STAG1: variants seen among roughly 807,000 people sequenced by gnomAD.
STAG1 encodes the protein STAG1 cohesin complex component, also known as cohesin subunit SA-1.
STAG1 carries 26 observed loss-of-function variants against 170.9 expected under a neutral mutation model. The ratio of observed to expected loss-of-function variants is 0.15; its 90% confidence interval spans 0.11 to 0.21. STAG1 has a LOEUF of 0.21. Ranked by LOEUF, STAG1 falls within the 10% of genes least tolerant of loss-of-function variation. The pLI, the probability that STAG1 is intolerant of heterozygous loss-of-function variation, is 1.00. For synonymous variants in STAG1, 514 were observed against 497.7 expected (o/e 1.03, Z -0.44); for missense variants, 964 against 1,509.5 (o/e 0.64, Z 5.99).
chr3:136,381,034 A>AG (rs1337351307), intron 22 of STAG1, among the ~76,000 whole-genome samples: 3 of 143,624 alleles, frequency 2.1e-5, no homozygotes, highest in Non-Finnish European at 3.1e-5. Context: ...GAAAAAAAAA[A>AG]AAGAAAAAAA....
Position 136,360,399 on chromosome 3 carries a change from T to C in STAG1, c.2788-1103A>G, listed in dbSNP as rs1045751864. ...AAATACTCTTAACTTCTTGACCCCA[T>C]TTCCTCTGCCAGCTACTAACCCATT... On this transcript the variant is annotated intron_variant, in intron 26 of 33. Transcript: ENST00000383202. Among the ~76,000 whole-genome samples, 4 of 152,166 alleles carry C rather than the reference T, an allele frequency of 2.6e-5. No individual in the cohort carries two copies. In the South Asian group the frequency reaches 8.3e-4, roughly 32 times the overall value.
chr3:136,646,922 A>AT (rs921022394), intron 1 of STAG1, among the ~76,000 whole-genome samples: 1 of 152,024 alleles, frequency 6.6e-6, no homozygotes, highest in African/African-American at 2.4e-5. Flanking sequence ...AAAAAAATAT[A>AT]TAATAATAAT....
At chr3:136,370,820 T>C (rs529000208) in intron 23 of STAG1, among the ~76,000 whole-genome samples, 2 of 152,228 alleles carry the variant, frequency 1.3e-5, no homozygotes, top group African/African-American at 4.8e-5. Flanking sequence ...GCAATAAACA[T>C]ACGTGTGCGT....
At chr3:136,428,505 C>T (rs1243855729) in intron 16 of STAG1, among the ~76,000 whole-genome samples, 1 of 152,154 alleles carries the variant, frequency 6.6e-6, no homozygotes. Flanking sequence ...CACAGTATCT[C>T]TAAATCAGCC....
At chr3:136,341,069 C>G (rs912372362) in intron 31 of STAG1, among the ~76,000 whole-genome samples, 2 of 152,062 alleles carry the variant, frequency 1.3e-5, no homozygotes, top group African/African-American at 4.8e-5. Flanking sequence ...CCACCATGCC[C>G]GGCTAATTTT....
intron 13 of STAG1, among the ~76,000 whole-genome samples, chr3:136,463,767 G>GTGTGTGTGTGTGTA (rs1375220735): frequency 8.5e-5 from 5 of 58,738 alleles, no homozygotes; most frequent in African/African-American, 2.1e-4. Context: ...GTGTGTGTGT[G>GTGTGTGTGTGTGTA]TATACACACA....
At chr3:136,496,683 A>G (rs1175019671) in intron 9 of STAG1, among the ~76,000 whole-genome samples, 1 of 152,192 alleles carries the variant, frequency 6.6e-6, no homozygotes, top group Non-Finnish European at 1.5e-5. Context: ...AAATTCCCTT[A>G]TTAGAAAAAA....
chr3:136,460,916 C>A (rs2089255995), intron 13 of STAG1, among the ~76,000 whole-genome samples: 1 of 152,130 alleles, frequency 6.6e-6, no homozygotes, highest in South Asian at 2.1e-4. Flanking sequence ...CCCTAGTAAA[C>A]ATGCATGTAA....
intron 1 of STAG1, among the ~76,000 whole-genome samples, chr3:136,716,346 C>T (rs1323606524): frequency 1.3e-5 from 2 of 151,992 alleles, no homozygotes; most frequent in Non-Finnish European, 2.9e-5. Context: ...GCCTGCAGTG[C>T]CAGCTACTCG....
chr3:136,747,266 C>G (rs10155016), intron 1 of STAG1, among the ~76,000 whole-genome samples: 54,497 of 147,862 alleles, frequency 0.37, 11,198 homozygotes, highest in African/African-American at 0.54. Context: ...GAGCAAGACT[C>G]GTCCCAAAAA....
chr3:136,659,528 G>A (rs1479406383), intron 1 of STAG1, among the ~76,000 whole-genome samples: 1 of 152,098 alleles, frequency 6.6e-6, no homozygotes, highest in East Asian at 1.9e-4. Context: ...TTCACAGAGA[G>A]GATACCACAT....
intron 5 of STAG1, among the ~76,000 whole-genome samples, chr3:136,547,373 G>C (rs1267759069): frequency 6.6e-6 from 1 of 152,092 alleles, no homozygotes. Context: ...AAAGGTGGTA[G>C]CTGTCATGTC....
intron 21 of STAG1, among the ~76,000 whole-genome samples, chr3:136,399,840 AACTAAGAAATGTTTATAAAATACTTATT>A (rs1319259397): frequency 1.3e-5 from 2 of 152,226 alleles, no homozygotes; most frequent in African/African-American, 2.4e-5. Flanking sequence ...TAGAAACTAA[AACTAAGAAATGTTTATAAAATACTTATT>A]AATTCACTTA....
At chr3:136,356,729 T>C (rs1936670763) in intron 28 of STAG1, among the ~76,000 whole-genome samples, 1 of 151,862 alleles carries the variant, frequency 6.6e-6, no homozygotes, top group African/African-American at 2.4e-5. Flanking sequence ...CATTATAGTA[T>C]TATCCTCTAA....
intron 1 of STAG1, among the ~76,000 whole-genome samples, chr3:136,700,861 T>C (rs895393038): frequency 2.0e-5 from 3 of 150,114 alleles, no homozygotes; most frequent in African/African-American, 4.9e-5. Flanking sequence ...AATGTGTGTG[T>C]GCTCTATTTT....
chr3:136,650,016 C>G (rs1049460084), intron 1 of STAG1, among the ~76,000 whole-genome samples: 1 of 151,706 alleles, frequency 6.6e-6, no homozygotes, highest in South Asian at 2.1e-4. Context: ...ATCCACCCAC[C>G]TAGGCCTCCC....
At chr3:136,533,295 C>G (rs112164666) in intron 6 of STAG1, among the ~76,000 whole-genome samples, 6 of 151,960 alleles carry the variant, frequency 3.9e-5, no homozygotes, top group Non-Finnish European at 7.4e-5. Context: ...CTCATGAATC[C>G]CAAGAATATT....
intron 2 of STAG1, among the ~76,000 whole-genome samples, chr3:136,630,472 T>C (rs2107837881): frequency 6.6e-6 from 1 of 152,302 alleles, no homozygotes; most frequent in South Asian, 2.1e-4. Flanking sequence ...CTAAATATTT[T>C]AGGCTTTCCA....
At chr3:136,736,713 CT>C in intron 1 of STAG1, 1 of 1,603,560 alleles carries the variant, frequency 6.2e-7, no homozygotes. Flanking sequence ...TCTTTGGCTT[CT>C]CTCTCTTTCC....
Sources: gnomAD v4.1 joint callset for allele counts (sites outside exome capture counted in the v4.1 genomes callset) on GRCh38, gnomAD v4.1.1 for gene constraint, MANE v1.5 for transcripts, NCBI Gene and HGNC (gene_info 2026-07-23, HGNC 2026-07-21) for gene names.